SUPT3H: variants seen among roughly 807,000 people sequenced by gnomAD.
The protein encoded by SUPT3H is transcription initiation protein SPT3 homolog.
In SUPT3H, 44 loss-of-function variants were observed where a neutral mutation model predicts 44.3. That is an observed-to-expected ratio of 0.99 (90% CI 0.78 to 1.28). The LOEUF (loss-of-function observed/expected upper bound fraction) is 1.28, where lower values mean the gene tolerates loss of function less well. SUPT3H is among the 50% of genes most tolerant of loss of function. The pLI, the probability that SUPT3H is intolerant of heterozygous loss-of-function variation, is 0.00. For missense variants in SUPT3H, 380 were observed against 387.1 expected, an observed-to-expected ratio of 0.98 and a Z score of 0.15; for synonymous variants, 124 against 125.6, an observed-to-expected ratio of 0.99 and a Z score of 0.09.
At chr6:44,900,224 C>T (rs1414709088) in intron 10 of SUPT3H, among the ~76,000 whole-genome samples, 1 of 152,240 alleles carries the variant, frequency 6.6e-6, no homozygotes, top group Non-Finnish European at 1.5e-5. Context: ...TAGGGCAAGG[C>T]ATTGCCTCAC....
At chr6:45,038,383 G>C (rs895766768) in intron 3 of SUPT3H, among the ~76,000 whole-genome samples, 3 of 152,116 alleles carry the variant, frequency 2.0e-5, no homozygotes, top group African/African-American at 7.2e-5. Flanking sequence ...TGGATGAAAA[G>C]AGCTGTGTGT....
rs981317862 is a variant in SUPT3H, at chr6:44,833,087, T to A, written c.913-3230A>T. Among the ~76,000 whole-genome samples the A allele has an allele frequency of 3.3e-5, 5 of 152,176 alleles. No homozygotes were observed. The East Asian group carries it at 9.6e-4, about 29-fold the overall frequency. On this transcript the variant is annotated intron_variant, in intron 10 of 10. Coordinates refer to ENST00000371459, the MANE Select transcript of SUPT3H (RefSeq NM_003599.4). ...ATTATGTTTGCCATTAGCCTACTTATTAAAACATTAACTATAAACACCAGT... is the reference window on the plus strand; with the variant it reads ...ATTATGTTTGCCATTAGCCTACTTAATAAAACATTAACTATAAACACCAGT...
At chr6:45,028,493 C>A (rs2153522382) in intron 3 of SUPT3H, among the ~76,000 whole-genome samples, 1 of 151,924 alleles carries the variant, frequency 6.6e-6, no homozygotes, top group Non-Finnish European at 1.5e-5. Flanking sequence ...TTAGTCCTCT[C>A]CCATTTTCTA....
chr6:45,144,238 C>G (rs1805677261), intron 2 of SUPT3H, among the ~76,000 whole-genome samples: 1 of 151,812 alleles, frequency 6.6e-6, no homozygotes, highest in African/African-American at 2.4e-5. Flanking sequence ...AAGGACATAA[C>G]AAGAAAAGTG....
chr6:45,338,791 T>C (rs1789154292), intron 2 of SUPT3H, among the ~76,000 whole-genome samples: 1 of 152,118 alleles, frequency 6.6e-6, no homozygotes, highest in South Asian at 2.1e-4. Context: ...TGCAGCCTAT[T>C]TCTCTGGATG....
chr6:44,960,946 T>TG (rs1316712516), intron 7 of SUPT3H, among the ~76,000 whole-genome samples: 1 of 152,240 alleles, frequency 6.6e-6, no homozygotes, highest in Non-Finnish European at 1.5e-5. Flanking sequence ...TCAAATATGC[T>TG]GTTATTGGGA....
intron 2 of SUPT3H, among the ~76,000 whole-genome samples, chr6:45,227,360 C>T (rs566134657): frequency 6.6e-6 from 1 of 152,108 alleles, no homozygotes; most frequent in East Asian, 1.9e-4. Context: ...TTTGATGATT[C>T]CTTAACTCTG....
At chr6:45,374,692 C>G (rs1462143779) in intron 1 of SUPT3H, among the ~76,000 whole-genome samples, 1 of 152,098 alleles carries the variant, frequency 6.6e-6, no homozygotes, top group Admixed American at 6.5e-5. Context: ...AACACAAATA[C>G]TCAATCACCT....
chr6:45,253,443 A>G (rs1005140889), intron 2 of SUPT3H, among the ~76,000 whole-genome samples: 2 of 152,138 alleles, frequency 1.3e-5, no homozygotes, highest in African/African-American at 2.4e-5. Context: ...CAATTTTTAA[A>G]TTGTAATTGA....
At chr6:45,081,663 T>TAC (rs1274250750) in intron 3 of SUPT3H, among the ~76,000 whole-genome samples, 2 of 152,160 alleles carry the variant, frequency 1.3e-5, no homozygotes, top group Non-Finnish European at 2.9e-5. Flanking sequence ...GTCTTATATA[T>TAC]ACACTATAAT....
At chr6:45,321,689 C>T in intron 2 of SUPT3H, 2 of 783,888 alleles carry the variant, frequency 2.6e-6, no homozygotes, top group African/African-American at 1.8e-5. Context: ...GACAGGTAAG[C>T]ACCAGATCTT....
intron 2 of SUPT3H, among the ~76,000 whole-genome samples, chr6:45,174,166 G>C (rs552483460): frequency 7.9e-5 from 12 of 152,286 alleles, no homozygotes; most frequent in African/African-American, 2.9e-4. Flanking sequence ...AGCTTTTCTT[G>C]GCTAAGTACT....
chr6:44,914,495 G>C (rs1426250566), intron 10 of SUPT3H, among the ~76,000 whole-genome samples: 1 of 152,140 alleles, frequency 6.6e-6, no homozygotes, highest in Non-Finnish European at 1.5e-5. Context: ...GGTAGCTTGG[G>C]CATTATTTTG....
chr6:45,183,597 A>AC (rs1451028464), intron 2 of SUPT3H, among the ~76,000 whole-genome samples: 1 of 152,176 alleles, frequency 6.6e-6, no homozygotes, highest in African/African-American at 2.4e-5. Flanking sequence ...AGTGGATGGT[A>AC]CCAAGCCATT....
intron 2 of SUPT3H, among the ~76,000 whole-genome samples, chr6:45,176,330 T>C (rs1278547705): frequency 6.6e-6 from 1 of 151,494 alleles, no homozygotes; most frequent in Admixed American, 6.6e-5. Context: ...ACCTGGAAAA[T>C]CGGGTCACTC....
At chr6:45,268,180 T>C (rs893529623) in intron 2 of SUPT3H, among the ~76,000 whole-genome samples, 1 of 152,200 alleles carries the variant, frequency 6.6e-6, no homozygotes, top group Non-Finnish European at 1.5e-5. Flanking sequence ...TATGCAATCA[T>C]AGTCCTGCTG....
At chr6:44,841,990 C>T (rs1389445393) in intron 10 of SUPT3H, among the ~76,000 whole-genome samples, 1 of 152,044 alleles carries the variant, frequency 6.6e-6, no homozygotes, top group Non-Finnish European at 1.5e-5. Context: ...GCTATAAAGA[C>T]AAATAAGGCA....
Position 44,960,544 on chromosome 6 carries a change from G to A in SUPT3H, c.580+1209C>T, listed in dbSNP as rs143693225. 3.1e-3 allele frequency among the ~76,000 whole-genome samples: 471 copies of A among 152,064 alleles called. 2 individuals carry two copies. Among genetic ancestry groups the A allele is most frequent in the African/African-American group, 0.011 (450 of 41,514 alleles). Reference sequence around the variant, plus strand: ...ATATTAGGAGACTTTAAGATTATGAGTTTCAGTGTGAAAGTAGTATGTCTG... The same window carrying A: ...ATATTAGGAGACTTTAAGATTATGAATTTCAGTGTGAAAGTAGTATGTCTG... On this transcript the variant is annotated intron_variant, in intron 7 of 10. Coordinates refer to ENST00000371459, the MANE Select transcript of SUPT3H (RefSeq NM_003599.4).
chr6:44,843,968 A>T (rs1771455037), intron 10 of SUPT3H, among the ~76,000 whole-genome samples: 1 of 151,620 alleles, frequency 6.6e-6, no homozygotes. Flanking sequence ...CATGCACAGA[A>T]AAAGAACAAA....
Sources: gnomAD v4.1 joint callset for allele counts (sites outside exome capture counted in the v4.1 genomes callset) on GRCh38, gnomAD v4.1.1 for gene constraint, MANE v1.5 for transcripts, NCBI Gene and HGNC (gene_info 2026-07-23, HGNC 2026-07-21) for gene names.